C8orf34: variants seen among roughly 807,000 people sequenced by gnomAD.
C8orf34 encodes uncharacterized protein C8orf34.
In C8orf34, 65 loss-of-function variants were observed where a neutral mutation model predicts 68.3. The observed-to-expected ratio is 0.95, with a 90% CI of 0.78 to 1.17. C8orf34 has a LOEUF of 1.17. Among genes scored for constraint, C8orf34 ranks in the 50% most tolerant of loss-of-function variants. The probability of loss-of-function intolerance (pLI) is 0.00; values close to 1 mark genes in which losing one functional copy is unlikely to be tolerated. For missense variants in C8orf34, 664 were observed against 655.4 expected (o/e 1.01, Z -0.14); for synonymous variants, 244 against 241.2 (o/e 1.01, Z -0.11).
chr8:68,332,572 T>A (rs898538585), intron 1 of C8orf34, among the ~76,000 whole-genome samples: 1 of 151,846 alleles, frequency 6.6e-6, no homozygotes, highest in African/African-American at 2.4e-5. Context: ...GTGAGAACTG[T>A]GGAGAACAAA....
intron 5 of C8orf34, 107 bp downstream of exon 5, chr8:68,488,158 T>G: frequency 1.3e-6 from 1 of 774,694 alleles, no homozygotes. Flanking sequence ...CAAGTATAAT[T>G]TATTTGGGCT....
intron 4 of C8orf34, among the ~76,000 whole-genome samples, chr8:68,469,362 T>A (rs1354243315): frequency 1.3e-5 from 2 of 151,980 alleles, no homozygotes; most frequent in African/African-American, 4.8e-5. Context: ...TCATAATAAA[T>A]CAGATAAATC....
intron 1 of C8orf34, among the ~76,000 whole-genome samples, chr8:68,379,404 A>G (rs1424022837): frequency 6.6e-6 from 1 of 152,222 alleles, no homozygotes; most frequent in Non-Finnish European, 1.5e-5. Flanking sequence ...TGTCTAATGT[A>G]GTTTCACATT....
chr8:68,742,954 C>T (rs2129527304), intron 10 of C8orf34, among the ~76,000 whole-genome samples: 1 of 152,238 alleles, frequency 6.6e-6, no homozygotes, highest in African/African-American at 2.4e-5. Flanking sequence ...CCTGACCATC[C>T]ATCTTAGTCT....
At chr8:68,444,344 A>G (rs111438972) in intron 2 of C8orf34, among the ~76,000 whole-genome samples, 1 of 151,896 alleles carries the variant, frequency 6.6e-6, no homozygotes, top group Non-Finnish European at 1.5e-5. Flanking sequence ...ACTTTCTTTT[A>G]TTTTTGTTGA....
At chr8:68,525,548 G>T in intron 6 of C8orf34, 4 of 890,818 alleles carry the variant, frequency 4.5e-6, no homozygotes, top group South Asian at 4.1e-5. Flanking sequence ...TTTCCCTCCT[G>T]TGTGTCTTCG....
chr8:68,364,903 A>C (rs1200289112), intron 1 of C8orf34, among the ~76,000 whole-genome samples: 1 of 152,158 alleles, frequency 6.6e-6, no homozygotes, highest in Non-Finnish European at 1.5e-5. Flanking sequence ...ATCAGAGAAG[A>C]ACTGAAGGAA....
At chr8:68,476,952 G>C (rs1009679106) in intron 4 of C8orf34, among the ~76,000 whole-genome samples, 3 of 152,198 alleles carry the variant, frequency 2.0e-5, no homozygotes, top group African/African-American at 7.2e-5. Flanking sequence ...TTCAGAGTTA[G>C]GGAGGGAGTA....
chr8:68,707,228 G>A (rs1821192117), intron 8 of C8orf34, among the ~76,000 whole-genome samples: 1 of 152,138 alleles, frequency 6.6e-6, no homozygotes, highest in Admixed American at 6.5e-5. Context: ...GGACTGTGAA[G>A]CATTCCGCAA....
intron 1 of C8orf34, among the ~76,000 whole-genome samples, chr8:68,415,504 G>A (rs576477499): frequency 6.6e-6 from 1 of 152,026 alleles, no homozygotes; most frequent in Non-Finnish European, 1.5e-5. Flanking sequence ...AAAAAAAAGT[G>A]TATGGAGAGA....
chr8:68,630,139 C>G (rs1456035788), intron 7 of C8orf34, among the ~76,000 whole-genome samples: 1 of 151,626 alleles, frequency 6.6e-6, no homozygotes, highest in Admixed American at 6.6e-5. Context: ...CATAAAATAG[C>G]ACTGTCCAAT....
chr8:68,689,883 A>G (rs1820636201), intron 8 of C8orf34, among the ~76,000 whole-genome samples: 1 of 152,022 alleles, frequency 6.6e-6, no homozygotes, highest in African/African-American at 2.4e-5. Context: ...TAAGCTGCTT[A>G]AGGTCAAAAG....
At chr8:68,429,439 A>G (rs886914824) in intron 1 of C8orf34, among the ~76,000 whole-genome samples, 9 of 152,234 alleles carry the variant, frequency 5.9e-5, no homozygotes, top group African/African-American at 2.2e-4. Context: ...GTGGGAGACA[A>G]TTGTTTACAA....
chr8:68,693,469 C>T (rs73683596), intron 8 of C8orf34, among the ~76,000 whole-genome samples: 11,184 of 152,008 alleles, frequency 0.074, 601 homozygotes, highest in African/African-American at 0.15. Context: ...AAATTGTTCT[C>T]GTGAAAAGTA....
chr8:68,358,808 T>G (rs976876826), intron 1 of C8orf34, among the ~76,000 whole-genome samples: 3 of 151,880 alleles, frequency 2.0e-5, no homozygotes, highest in African/African-American at 7.3e-5. Context: ...CGGGTTCAAG[T>G]GATTCTTGTG....
At chr8:68,397,630 G>T (rs1320756255) in intron 1 of C8orf34, among the ~76,000 whole-genome samples, 1 of 152,006 alleles carries the variant, frequency 6.6e-6, no homozygotes, top group Non-Finnish European at 1.5e-5. Context: ...ATTATAAATA[G>T]CACTTGACTA....
intron 8 of C8orf34, among the ~76,000 whole-genome samples, chr8:68,684,163 TA>T (rs1820447150): frequency 6.6e-6 from 1 of 152,106 alleles, no homozygotes; most frequent in Non-Finnish European, 1.5e-5. Flanking sequence ...CCTGTTTATT[TA>T]AAAATGTTTA....
In C8orf34 at chr8:68,471,137, G is replaced by A. The variant is rs534855674; in HGVS notation, c.736+2317G>A. ...AGTGAGGCCAGAATGAAGTGTCATA[G>A]TCAACTCCTATAGATATAGTAGAAG... On this transcript the variant is annotated intron_variant, in intron 4 of 13. Coordinates refer to ENST00000518698, the MANE Select transcript of C8orf34 (RefSeq NM_052958.4). Among the ~76,000 whole-genome samples, 7 of 152,224 alleles carry A rather than the reference G, an allele frequency of 4.6e-5. No homozygotes were observed. The East Asian group carries it at 1.4e-3, about 29-fold the overall frequency.
At chr8:68,360,914 C>T (rs1243893108) in intron 1 of C8orf34, among the ~76,000 whole-genome samples, 1 of 151,736 alleles carries the variant, frequency 6.6e-6, no homozygotes, top group African/African-American at 2.4e-5. Context: ...CACCCCACCC[C>T]CTGCGAATTT....
Sources: gnomAD v4.1 joint callset for allele counts (sites outside exome capture counted in the v4.1 genomes callset) on GRCh38, gnomAD v4.1.1 for gene constraint, MANE v1.5 for transcripts, NCBI Gene and HGNC (gene_info 2026-07-23, HGNC 2026-07-21) for gene names.